The following CLCN3 variants were observed in gnomAD, a reference collection of about 807,000 sequenced individuals.
CLCN3 encodes the protein H(+)/Cl(-) exchange transporter 3.
A neutral mutation model predicts 83.4 loss-of-function variants in CLCN3; 16 were observed. The ratio of observed to expected loss-of-function variants is 0.19; its 90% CI spans 0.13 to 0.29. CLCN3 has a LOEUF of 0.29. Ranked by LOEUF, CLCN3 falls within the 10% of genes least tolerant of loss-of-function variation. CLCN3 has a pLI of 1.00. For synonymous variants in CLCN3, 322 were observed against 346.2 expected (o/e 0.93, Z 0.78); for missense variants, 544 against 1,006.0 (o/e 0.54, Z 6.21).
intron 12 of CLCN3, among the ~76,000 whole-genome samples, chr4:169,714,812 TA>T (rs1251602885): frequency 6.6e-6 from 1 of 152,166 alleles, no homozygotes; most frequent in Non-Finnish European, 1.5e-5. Flanking sequence ...TTAGAATTAT[TA>T]AATTCTAATA....
In CLCN3 at chr4:169,620,585, C is replaced by G. The variant is rs1053457595; in HGVS notation, c.-495C>G. 1 of 396,916 alleles carries G rather than the reference C, an allele frequency of 2.5e-6. No individual in the cohort carries two copies. The highest frequency in any genetic ancestry group is 4.4e-6 in the Non-Finnish European group (1 of 225,564). 24.6% of individuals were successfully genotyped at this position (396,916 alleles called of 1,614,324 possible). ...TCCTGACTCCTGCCGCTTCTCTTCCCCTTCCGTGGGTCAGGGCCGGTCCGG... is the reference window on the plus strand; with the variant it reads ...TCCTGACTCCTGCCGCTTCTCTTCCGCTTCCGTGGGTCAGGGCCGGTCCGG... On this transcript the variant is annotated 5_prime_UTR_variant, in exon 1 of 13. Coordinates refer to ENST00000513761, the MANE Select transcript of CLCN3 (RefSeq NM_001829.4).
chr4:169,688,188 T>G (rs1732233648), intron 4 of CLCN3, among the ~76,000 whole-genome samples: 1 of 152,236 alleles, frequency 6.6e-6, no homozygotes, highest in Non-Finnish European at 1.5e-5. Flanking sequence ...ATGAGGAGAC[T>G]GAAGCAGAAG....
intron 11 of CLCN3, among the ~76,000 whole-genome samples, chr4:169,710,015 G>A (rs1307077519): frequency 1.3e-5 from 2 of 151,964 alleles, no homozygotes; most frequent in Non-Finnish European, 2.9e-5. Context: ...GAGGATCCCT[G>A]GGACTCTAGA....
intron 3 of CLCN3, chr4:169,680,445 G>T (rs1374804581): frequency 2.7e-6 from 1 of 367,410 alleles, no homozygotes; most frequent in Non-Finnish European, 4.9e-6. Flanking sequence ...AATACAATAA[G>T]AAGACAAAAT....
In CLCN3 at chr4:169,704,046, G is replaced by A. The variant is rs1237224362; in HGVS notation, c.1612G>A (p.Gly538Arg). The A allele has an allele frequency of 6.2e-7, 1 of 1,613,992 alleles. No individual in the cohort carries two copies. The highest frequency in any genetic ancestry group is 8.5e-7 in the Non-Finnish European group (1 of 1,180,000). ...CAGCATGGCCATTGGAGCGATCGCA[G>A]GAAGGATTGTGGGGATTGCGGTGGA... The part of the protein sequence containing the change: ...IPSMAIGAIA[G>R]RIVGIAVEQL... Residue 538 changes from glycine to arginine, a missense_variant, in exon 10 of 13, where the codon GGA becomes AGA. Physicochemically the swap from Gly to Arg is moderately radical, Grantham distance 125 (BLOSUM62 -2). Transcript: ENST00000513761.
rs1241166090 is a variant in CLCN3, at chr4:169,678,989, CG to C, written c.161-1058del. Reference sequence around the variant, plus strand: ...CTCCTCACTTCCCACACTGGGCGGCCGGGCGGAGGCGCCCCCCACCTCCCAG... The same window carrying C: ...CTCCTCACTTCCCACACTGGGCGGCCGGCGGAGGCGCCCCCCACCTCCCAG... On this transcript the variant is annotated intron_variant, in intron 2 of 12. Transcript: ENST00000513761. Among the ~76,000 whole-genome samples the C allele has an allele frequency of 9.9e-5, 15 of 151,664 alleles. No individual in the cohort carries two copies. In the East Asian group the frequency reaches 2.9e-3, roughly 30 times the overall value.
chr4:169,649,628 G>A (rs866074221), intron 2 of CLCN3, among the ~76,000 whole-genome samples: 2 of 152,332 alleles, frequency 1.3e-5, no homozygotes, highest in Non-Finnish European at 1.5e-5. Context: ...AGTTGGTAGT[G>A]CCATTTATAA....
At chr4:169,630,195 A>G (rs1027940861) in intron 1 of CLCN3, among the ~76,000 whole-genome samples, 5 of 152,234 alleles carry the variant, frequency 3.3e-5, no homozygotes, top group Admixed American at 1.3e-4. Context: ...GGTATACAGC[A>G]TGATGCTGCG....
At chr4:169,679,465 C>T (rs1239810009) in intron 2 of CLCN3, among the ~76,000 whole-genome samples, 1 of 151,588 alleles carries the variant, frequency 6.6e-6, no homozygotes, top group Non-Finnish European at 1.5e-5. Context: ...CAGGCAGAGA[C>T]GCTCCTCACT....
At chr4:169,624,390 A>G (rs1331873439) in intron 1 of CLCN3, among the ~76,000 whole-genome samples, 1 of 151,858 alleles carries the variant, frequency 6.6e-6, no homozygotes, top group African/African-American at 2.4e-5. Context: ...CGCCTCGGCC[A>G]CCCAAAGTGC....
intron 9 of CLCN3, among the ~76,000 whole-genome samples, chr4:169,700,652 T>G (rs1488959699): frequency 6.6e-6 from 1 of 152,182 alleles, no homozygotes; most frequent in Non-Finnish European, 1.5e-5. Flanking sequence ...TATTTTTCTC[T>G]TTTTAATTGA....
intron 9 of CLCN3, among the ~76,000 whole-genome samples, chr4:169,701,227 C>G (rs1732773638): frequency 6.6e-6 from 1 of 152,186 alleles, no homozygotes; most frequent in South Asian, 2.1e-4. Context: ...CTCAAGAAAC[C>G]ACTTTCTTTG....
At chr4:169,677,308 G>A (rs1731718975) in intron 2 of CLCN3, among the ~76,000 whole-genome samples, 2 of 152,068 alleles carry the variant, frequency 1.3e-5, no homozygotes, top group African/African-American at 2.4e-5. Context: ...GGCAAACTAT[G>A]AGCCATGTGC....
intron 3 of CLCN3, among the ~76,000 whole-genome samples, chr4:169,684,795 A>C (rs1427317923): frequency 6.6e-6 from 1 of 152,148 alleles, no homozygotes; most frequent in Admixed American, 6.5e-5. Context: ...AAGTCATGCC[A>C]AAAATCTGAA....
chr4:169,723,210 T>C lies in CLCN3; in HGVS notation c.*3213T>C, dbSNP rs1733693680. The stretch of plus-strand genomic sequence containing the variant: ...ATGTGTGGTTTGGCCTTTAATTATA[T>C]CTGTAACAGTCCTCCCTCTTCACTG... On this transcript the variant is annotated 3_prime_UTR_variant, in exon 13 of 13. Transcript: ENST00000513761. 6.6e-6 allele frequency: 1 copy of C among 152,232 alleles called. No individual in the cohort carries two copies. The highest frequency in any genetic ancestry group is 2.4e-5 in the African/African-American group (1 of 41,458). 9.4% of individuals were successfully genotyped at this position (152,232 alleles called of 1,614,324 possible). A position where few individuals can be genotyped will look rare whatever the true frequency, so the allele number is the denominator to read the frequency against.
chr4:169,663,115 G>A (rs1299831140), intron 2 of CLCN3: 1 of 140,580 alleles, frequency 7.1e-6, no homozygotes, highest in Non-Finnish European at 1.5e-5. Flanking sequence ...TTCATTCAGA[G>A]TGAGCATATA....
At chr4:169,705,109 A>G (rs911802772) in intron 10 of CLCN3, among the ~76,000 whole-genome samples, 13 of 152,332 alleles carry the variant, frequency 8.5e-5, no homozygotes, top group African/African-American at 2.6e-4. Context: ...GAGTCTAAGT[A>G]TGGTAGGAAT....
At chr4:169,706,164 G>T (rs569308630) in intron 10 of CLCN3, among the ~76,000 whole-genome samples, 11 of 151,940 alleles carry the variant, frequency 7.2e-5, no homozygotes, top group Non-Finnish European at 1.5e-4. Context: ...AAGTAGCTGG[G>T]ACCACAGACA....
chr4:169,629,331 A>C (rs183545028), intron 1 of CLCN3, among the ~76,000 whole-genome samples: 146 of 152,300 alleles, frequency 9.6e-4, no homozygotes, highest in African/African-American at 3.4e-3. Flanking sequence ...ATTATCTCAA[A>C]ATAAAAATTT....
Sources: gnomAD v4.1 joint callset for allele counts (sites outside exome capture counted in the v4.1 genomes callset) on GRCh38, gnomAD v4.1.1 for gene constraint, MANE v1.5 for transcripts, NCBI Gene and HGNC (gene_info 2026-07-23, HGNC 2026-07-21) for gene names.